The following DLG2 variants were observed in gnomAD, a reference collection of about 807,000 sequenced individuals.
DLG2 encodes discs large MAGUK scaffold protein 2.
Under a neutral mutation model 132.5 loss-of-function variants are expected in DLG2, and 45 were observed. The observed-to-expected ratio is 0.34, with a 90% CI of 0.27 to 0.44. DLG2 has a LOEUF of 0.44. Ranked by LOEUF, DLG2 falls within the 20% of genes least tolerant of loss-of-function variation. The pLI is 1.00. For synonymous variants in DLG2, 424 were observed against 419.6 expected (o/e 1.01, Z -0.13); for missense variants, 1,045 against 1,196.9 (o/e 0.87, Z 1.87).
At chr11:84,872,604 T>C (rs1227261588) in intron 6 of DLG2, among the ~76,000 whole-genome samples, 1 of 152,206 alleles carries the variant, frequency 6.6e-6, no homozygotes, top group Non-Finnish European at 1.5e-5. Flanking sequence ...AGATAACATT[T>C]AGGTTGTATC....
chr11:84,167,802 G>T (rs2095705823), intron 8 of DLG2, among the ~76,000 whole-genome samples: 1 of 152,072 alleles, frequency 6.6e-6, no homozygotes, highest in African/African-American at 2.4e-5. Context: ...AAGTAGCTGA[G>T]ATTACAGGCA....
chr11:84,067,671 C>T (rs974858644), intron 10 of DLG2, among the ~76,000 whole-genome samples: 1 of 152,214 alleles, frequency 6.6e-6, no homozygotes, highest in African/African-American at 2.4e-5. Flanking sequence ...TCTCACTCTT[C>T]CTTTTATGAA....
intron 6 of DLG2, among the ~76,000 whole-genome samples, chr11:84,939,511 A>G (rs2049136316): frequency 6.6e-6 from 1 of 152,050 alleles, no homozygotes; most frequent in South Asian, 2.1e-4. Flanking sequence ...TTATCTAACT[A>G]TATTTTTGTA....
chr11:85,014,122 T>C (rs181584039), intron 6 of DLG2, among the ~76,000 whole-genome samples: 46 of 152,328 alleles, frequency 3.0e-4, no homozygotes, highest in Middle Eastern at 3.4e-3. Context: ...TACTGTAAAT[T>C]ATAAGCTTAA....
rs531762506 is a variant in DLG2 at position 84,240,162 on chromosome 11, C to T, written c.573+11076G>A. Reference sequence around the variant, plus strand: ...ACTTCTTTTAACCTGCTATTTAGCACGTCAGCATGGTGGTAGGCCTCTTGG... The same window carrying T: ...ACTTCTTTTAACCTGCTATTTAGCATGTCAGCATGGTGGTAGGCCTCTTGG... On this transcript the variant is annotated intron_variant, in intron 8 of 27. Transcript: ENST00000376104. Among the ~76,000 whole-genome samples the T allele has an allele frequency of 7.2e-5, 11 of 152,308 alleles. No individual in the cohort carries two copies. In the East Asian group the frequency reaches 1.2e-3, roughly 16 times the overall value.
At chr11:84,926,948 T>C (rs1566418946) in intron 6 of DLG2, among the ~76,000 whole-genome samples, 1 of 152,130 alleles carries the variant, frequency 6.6e-6, no homozygotes, top group South Asian at 2.1e-4. Flanking sequence ...TGTATGTATG[T>C]TTTTCTTAAA....
chr11:84,553,944 G>A (rs937641066), intron 6 of DLG2, among the ~76,000 whole-genome samples: 3 of 152,194 alleles, frequency 2.0e-5, no homozygotes, highest in Admixed American at 6.5e-5. Context: ...TGATTTGAAT[G>A]ACTGCACTGC....
rs368831151 is a variant in DLG2, at chr11:85,249,137, G to A, written c.186+36083C>T. Reference sequence around the variant, plus strand: ...TGTAGGTTTGACAAATCCTGTTGGGGATTATTATTTTCATTACTTTATTTC... The same window carrying A: ...TGTAGGTTTGACAAATCCTGTTGGGAATTATTATTTTCATTACTTTATTTC... On this transcript the variant is annotated intron_variant, in intron 4 of 27. Transcript: ENST00000376104. Among the ~76,000 whole-genome samples the A allele has an allele frequency of 5.6e-4, 85 of 151,958 alleles. No individual in the cohort carries two copies. In the Middle Eastern group the frequency reaches 0.014, roughly 24 times the overall value.
At chr11:83,906,251 TCTCTCTCACA>T (rs1565585041) in intron 15 of DLG2, among the ~76,000 whole-genome samples, 1 of 97,444 alleles carries the variant, frequency 1.0e-5, no homozygotes, top group Non-Finnish European at 2.2e-5. Context: ...TCTCTCTCTC[TCTCTCTCACA>T]CACACACACA....
intron 2 of DLG2, among the ~76,000 whole-genome samples, chr11:85,614,531 T>C (rs1486118851): frequency 2.6e-5 from 4 of 152,112 alleles, no homozygotes; most frequent in East Asian, 3.9e-4. Context: ...TCCCAGCTAC[T>C]CAGGAGGCTG....
chr11:84,706,242 G>C (rs1244875421), intron 6 of DLG2, among the ~76,000 whole-genome samples: 1 of 151,810 alleles, frequency 6.6e-6, no homozygotes, highest in Non-Finnish European at 1.5e-5. Context: ...GCAATAAGTA[G>C]AATATTTATA....
chr11:84,487,541 T>C (rs2099154119), intron 7 of DLG2, among the ~76,000 whole-genome samples: 1 of 152,144 alleles, frequency 6.6e-6, no homozygotes, highest in African/African-American at 2.4e-5. Context: ...AATGTCCTAA[T>C]AACTTAGGTA....
intron 18 of DLG2, among the ~76,000 whole-genome samples, chr11:83,734,399 CCTTCCT>C (rs1436148811): frequency 2.1e-4 from 30 of 145,180 alleles, no homozygotes; most frequent in East Asian, 8.1e-4. Flanking sequence ...TTCCTTCCTT[CCTTCCT>C]TCCCTCCCTC....
intron 19 of DLG2, among the ~76,000 whole-genome samples, chr11:83,582,516 A>G (rs1242823342): frequency 6.6e-6 from 1 of 152,224 alleles, no homozygotes. Flanking sequence ...CAGTATCCTC[A>G]CAAGAAAAGG....
rs1309672386 is a variant in DLG2, at chr11:85,109,907, A to G, written c.357+1754T>C. Among the ~76,000 whole-genome samples, 4 of 152,274 alleles carry G rather than the reference A, an allele frequency of 2.6e-5. No homozygotes were observed. In the East Asian group the frequency reaches 7.7e-4, roughly 29 times the overall value. On this transcript the variant is annotated intron_variant, in intron 6 of 27. Coordinates refer to ENST00000376104, the MANE Select transcript of DLG2 (RefSeq NM_001142699.3). Reference sequence around the variant, plus strand: ...TACCAGCCTAAGAGGGTAAAATACCATTATTAATCCTCTTTACCAAGAAAT... The same window carrying G: ...TACCAGCCTAAGAGGGTAAAATACCGTTATTAATCCTCTTTACCAAGAAAT...
intron 16 of DLG2, among the ~76,000 whole-genome samples, chr11:83,837,407 G>T (rs1367120608): frequency 7.2e-5 from 11 of 152,056 alleles, no homozygotes; most frequent in Admixed American, 7.2e-4. Context: ...TTCTTGTTCT[G>T]TCTACCAACA....
At chr11:85,296,737 A>G (rs2079246533) in intron 3 of DLG2, among the ~76,000 whole-genome samples, 1 of 151,300 alleles carries the variant, frequency 6.6e-6, no homozygotes, top group Non-Finnish European at 1.5e-5. Context: ...CCAGTAAGTG[A>G]CAGCTGATGG....
intron 18 of DLG2, among the ~76,000 whole-genome samples, chr11:83,705,860 G>A (rs1475646264): frequency 6.6e-6 from 1 of 152,142 alleles, no homozygotes; most frequent in Middle Eastern, 3.2e-3. Flanking sequence ...ATGCTTGGAA[G>A]GCAAAAGACA....
chr11:85,299,105 T>G (rs2079425699), intron 3 of DLG2, among the ~76,000 whole-genome samples: 2 of 152,192 alleles, frequency 1.3e-5, no homozygotes, highest in South Asian at 4.1e-4. Context: ...AGGCCATTCA[T>G]CAAACATACC....
Sources: gnomAD v4.1 joint callset for allele counts (sites outside exome capture counted in the v4.1 genomes callset) on GRCh38, gnomAD v4.1.1 for gene constraint, MANE v1.5 for transcripts, NCBI Gene and HGNC (gene_info 2026-07-23, HGNC 2026-07-21) for gene names.